Variants in PYDC5 observed in about 807,000 individuals in gnomAD.
The protein encoded by PYDC5 is pyrin domain containing 5, also known as pyrin domain-containing protein 5.
the PYDC5 span, among the ~76,000 whole-genome samples, chr1:159,000,873 C>T: frequency 1.3e-5 from 2 of 152,104 alleles, no homozygotes; most frequent in South Asian, 2.1e-4. Flanking sequence ...GAGTTCTCCT[C>T]TGAGTCACAG....
chr1:159,000,638 G>A, the PYDC5 span, among the ~76,000 whole-genome samples: 2 of 152,092 alleles, frequency 1.3e-5, no homozygotes, highest in Non-Finnish European at 2.9e-5. Flanking sequence ...TTTCACATGT[G>A]CAATTTAAAT....
chr1:159,001,742 T>A, the PYDC5 span, among the ~76,000 whole-genome samples: 2 of 152,188 alleles, frequency 1.3e-5, no homozygotes, highest in Admixed American at 1.3e-4. Flanking sequence ...TCAATAACAA[T>A]TTATATATAA....
the PYDC5 span, among the ~76,000 whole-genome samples, chr1:159,001,041 C>T: frequency 6.6e-6 from 1 of 152,102 alleles, no homozygotes; most frequent in Non-Finnish European, 1.5e-5. Context: ...AATTTGATTG[C>T]ATGTAAACTC....
chr1:159,001,645 C>T, the PYDC5 span, among the ~76,000 whole-genome samples: 1 of 152,090 alleles, frequency 6.6e-6, no homozygotes, highest in African/African-American at 2.4e-5. Flanking sequence ...CTATTATATG[C>T]TAAACACAGT....
the PYDC5 span, among the ~76,000 whole-genome samples, chr1:159,000,769 T>C: frequency 6.6e-6 from 1 of 152,164 alleles, no homozygotes; most frequent in Non-Finnish European, 1.5e-5. Context: ...GAAATGTGAT[T>C]CCCAGTGTTG....
the PYDC5 span, among the ~76,000 whole-genome samples, chr1:159,000,657 A>G: frequency 3.9e-5 from 6 of 152,176 alleles, no homozygotes; most frequent in Non-Finnish European, 5.9e-5. Context: ...ATTTTTTGAC[A>G]TGTATACAGT....
At chr1:159,001,897 C>T in the PYDC5 span, among the ~76,000 whole-genome samples, 5 of 152,194 alleles carry the variant, frequency 3.3e-5, no homozygotes, top group Non-Finnish European at 7.3e-5. Flanking sequence ...TTGGTGGCTT[C>T]ATGTCCCAGG....
the PYDC5 span, among the ~76,000 whole-genome samples, chr1:159,002,106 T>A: frequency 2.0e-5 from 3 of 152,228 alleles, no homozygotes; most frequent in African/African-American, 7.2e-5. Context: ...CAGTATGGTA[T>A]GCCTGATACA....
At chr1:159,002,555 T>C in the PYDC5 span, among the ~76,000 whole-genome samples, 1 of 151,286 alleles carries the variant, frequency 6.6e-6, no homozygotes, top group African/African-American at 2.4e-5. Flanking sequence ...CCGTTACTAT[T>C]ACCTCATACC....
the PYDC5 span, among the ~76,000 whole-genome samples, chr1:159,001,942 T>C: frequency 2.6e-5 from 4 of 152,210 alleles, no homozygotes; most frequent in Non-Finnish European, 4.4e-5. Context: ...TATGGTCCTG[T>C]ACCATGCATA....
At chr1:159,002,269 C>T in the PYDC5 span, among the ~76,000 whole-genome samples, 5 of 151,796 alleles carry the variant, frequency 3.3e-5, no homozygotes, top group African/African-American at 7.3e-5. Context: ...ATGCCAACAG[C>T]CTGCTTATCA....
the PYDC5 span, among the ~76,000 whole-genome samples, chr1:159,002,666 A>T: frequency 6.6e-6 from 1 of 152,244 alleles, no homozygotes; most frequent in Non-Finnish European, 1.5e-5. Flanking sequence ...TTATTCTTTA[A>T]TGGCCAGCCT....
chr1:159,002,459 G>A, the PYDC5 span, among the ~76,000 whole-genome samples: 5 of 152,168 alleles, frequency 3.3e-5, no homozygotes, highest in African/African-American at 1.2e-4. Flanking sequence ...TATTGGCAAA[G>A]CTTGCTCCTT....
the PYDC5 span, among the ~76,000 whole-genome samples, chr1:159,000,975 G>A: frequency 6.6e-6 from 1 of 152,188 alleles, no homozygotes; most frequent in African/African-American, 2.4e-5. Context: ...ATATGTTGAG[G>A]TAGGGGAAGG....
At chr1:159,000,596 A>C in the PYDC5 span, among the ~76,000 whole-genome samples, 18 of 152,334 alleles carry the variant, frequency 1.2e-4, no homozygotes, top group Admixed American at 1.3e-4. Context: ...AGAGTTATTC[A>C]GGCATAACTG....
chr1:159,000,847 C>G, the PYDC5 span, among the ~76,000 whole-genome samples: 27 of 152,232 alleles, frequency 1.8e-4, no homozygotes, highest in African/African-American at 6.5e-4. Flanking sequence ...TCAGTGCCAT[C>G]CCCTGGTTGA....
At chr1:159,002,519 A>T in the PYDC5 span, among the ~76,000 whole-genome samples, 6,718 of 152,216 alleles carry the variant, frequency 0.044, 392 homozygotes, top group East Asian at 0.26. Context: ...TCCTTCAATG[A>T]ACACATGCTG....
At chr1:159,000,793 A>G in the PYDC5 span, among the ~76,000 whole-genome samples, 4 of 152,112 alleles carry the variant, frequency 2.6e-5, no homozygotes, top group African/African-American at 9.7e-5. Flanking sequence ...GTGGGGCTTG[A>G]CGGGAAGTGC....
chr1:159,002,507 C>T, the PYDC5 span, among the ~76,000 whole-genome samples: 1 of 152,106 alleles, frequency 6.6e-6, no homozygotes, highest in African/African-American at 2.4e-5. Flanking sequence ...TTTCTAAGCT[C>T]ATCCTTCAAT....
Sources: gnomAD v4.1 joint callset for allele counts (sites outside exome capture counted in the v4.1 genomes callset) on GRCh38, gnomAD v4.1.1 for gene constraint, MANE v1.5 for transcripts, NCBI Gene and HGNC (gene_info 2026-07-23, HGNC 2026-07-21) for gene names.